KCNH1: variants seen among roughly 807,000 people sequenced by gnomAD.
The protein encoded by KCNH1 is voltage-gated delayed rectifier potassium channel KCNH1.
Under a neutral mutation model 69.2 loss-of-function variants are expected in KCNH1, and 27 were observed. That is an observed-to-expected ratio of 0.39 (90% CI 0.29 to 0.54). KCNH1 has a LOEUF of 0.54. KCNH1 is among the 20% of genes least tolerant of loss of function. The pLI is 0.68. For missense variants in KCNH1, 798 were observed against 1,261.6 expected, an observed-to-expected ratio of 0.63 and a Z score of 5.57; for synonymous variants, 456 against 487.7, an observed-to-expected ratio of 0.93 and a Z score of 0.86.
intron 7 of KCNH1, among the ~76,000 whole-genome samples, chr1:210,804,379 G>A (rs1020005022): frequency 3.3e-5 from 5 of 152,328 alleles, no homozygotes; most frequent in Admixed American, 1.3e-4. Context: ...AAGCTACTAG[G>A]AGAAACGTGT....
At chr1:210,864,870 G>T (rs1270734770) in intron 7 of KCNH1, among the ~76,000 whole-genome samples, 7 of 152,180 alleles carry the variant, frequency 4.6e-5, no homozygotes, top group Non-Finnish European at 1.0e-4. Context: ...TCACATAACT[G>T]GTGGTTGACC....
chr1:210,861,846 T>G, intron 7 of KCNH1: 1 of 760,002 alleles, frequency 1.3e-6, no homozygotes, highest in South Asian at 1.4e-5. Context: ...GGCAAATAAT[T>G]CCTATCCAAC....
At chr1:210,973,814 T>C (rs552849394) in intron 6 of KCNH1, among the ~76,000 whole-genome samples, 1 of 152,194 alleles carries the variant, frequency 6.6e-6, no homozygotes, top group Admixed American at 6.6e-5. Flanking sequence ...ATTATGAGAA[T>C]AGATTGTTTA....
intron 7 of KCNH1, among the ~76,000 whole-genome samples, chr1:210,888,614 T>C (rs1048271967): frequency 2.0e-5 from 3 of 151,992 alleles, no homozygotes; most frequent in Admixed American, 6.6e-5. Context: ...AATCAATGAA[T>C]CCAGGAGCTG....
At chr1:210,893,724 T>C (rs1330556636) in intron 7 of KCNH1, among the ~76,000 whole-genome samples, 3 of 152,280 alleles carry the variant, frequency 2.0e-5, no homozygotes, top group South Asian at 2.1e-4. Context: ...ACTCCAATTA[T>C]ATGTATATTT....
intron 7 of KCNH1, among the ~76,000 whole-genome samples, chr1:210,822,013 T>A (rs1358075148): frequency 2.6e-5 from 4 of 152,042 alleles, no homozygotes; most frequent in Non-Finnish European, 4.4e-5. Flanking sequence ...TATCTCTTCA[T>A]TTATTTCACA....
chr1:211,048,683 G>C (rs949617732), intron 5 of KCNH1, among the ~76,000 whole-genome samples: 1 of 152,012 alleles, frequency 6.6e-6, no homozygotes, highest in African/African-American at 2.4e-5. Context: ...TTGGACTTTG[G>C]GGACAAGTGG....
intron 3 of KCNH1, among the ~76,000 whole-genome samples, chr1:211,096,140 T>C (rs1024021211): frequency 6.6e-6 from 1 of 152,154 alleles, no homozygotes; most frequent in South Asian, 2.1e-4. Flanking sequence ...CTCAGCTCAC[T>C]GCAACTTCCA....
chr1:210,881,317 A>T lies in KCNH1; in HGVS notation c.1462+38323T>A, dbSNP rs78568641. On this transcript the variant is annotated intron_variant, in intron 7 of 10. Transcript: ENST00000271751. ...CATGCCCAGCCAAAACAATAAGAAG[A>T]CATCTTTACACACATATTAGAATGG... is the stretch of plus-strand genomic sequence containing the variant. Among the ~76,000 whole-genome samples, 339 of 152,256 alleles carry T rather than the reference A, an allele frequency of 2.2e-3. 3 individuals carry two copies. Among genetic ancestry groups the T allele is most frequent in the African/African-American group, 8.0e-3 (334 of 41,560 alleles).
chr1:210,864,654 C>T (rs1052861699), intron 7 of KCNH1, among the ~76,000 whole-genome samples: 7 of 152,194 alleles, frequency 4.6e-5, no homozygotes, highest in African/African-American at 1.7e-4. Context: ...GGAGAAAATT[C>T]TGGTTTTGCT....
intron 10 of KCNH1, among the ~76,000 whole-genome samples, chr1:210,699,504 T>A (rs1286929484): frequency 6.6e-6 from 1 of 152,204 alleles, no homozygotes; most frequent in Non-Finnish European, 1.5e-5. Context: ...CTCTCAGGCC[T>A]AGGTAGGTGG....
chr1:210,875,190 T>A (rs1293100613), intron 7 of KCNH1, among the ~76,000 whole-genome samples: 6 of 152,218 alleles, frequency 3.9e-5, no homozygotes, highest in African/African-American at 1.4e-4. Flanking sequence ...TAAAAAGCAA[T>A]GCTTTAATCC....
intron 1 of KCNH1, among the ~76,000 whole-genome samples, chr1:211,121,952 G>A (rs1356929079): frequency 2.0e-5 from 3 of 152,028 alleles, no homozygotes; most frequent in Non-Finnish European, 4.4e-5. Flanking sequence ...TGGCTAACAC[G>A]GTGAAACCCC....
chr1:211,006,655 G>A (rs1251800549), intron 6 of KCNH1, among the ~76,000 whole-genome samples: 2 of 151,962 alleles, frequency 1.3e-5, no homozygotes, highest in Non-Finnish European at 2.9e-5. Flanking sequence ...TCATTAAAAA[G>A]CATATTTCTG....
At chr1:210,795,701 A>G (rs1400243805) in intron 9 of KCNH1, among the ~76,000 whole-genome samples, 2 of 151,986 alleles carry the variant, frequency 1.3e-5, no homozygotes, top group Non-Finnish European at 2.9e-5. Flanking sequence ...TTGAATCTCA[A>G]TTCTAACTTC....
chr1:210,967,841 A>G (rs1239211924), intron 6 of KCNH1, among the ~76,000 whole-genome samples: 7 of 152,026 alleles, frequency 4.6e-5, no homozygotes, highest in African/African-American at 1.7e-4. Context: ...TATGACAGTG[A>G]ACATTGTCTT....
chr1:210,990,450 T>C (rs1280944819), intron 6 of KCNH1, among the ~76,000 whole-genome samples: 1 of 152,156 alleles, frequency 6.6e-6, no homozygotes, highest in Non-Finnish European at 1.5e-5. Flanking sequence ...GCTAGCAGGG[T>C]GCCCAAAGGT....
At chr1:211,045,064 A>ATATATATATATATAT (rs1490472380) in intron 5 of KCNH1, among the ~76,000 whole-genome samples, 33 of 128,152 alleles carry the variant, frequency 2.6e-4, no homozygotes, top group Non-Finnish European at 4.7e-4. Flanking sequence ...ATATATGAAT[A>ATATATATATATATAT]ATAGAATAGT....
At chr1:210,973,723 A>G (rs775641038) in intron 6 of KCNH1, among the ~76,000 whole-genome samples, 1 of 152,290 alleles carries the variant, frequency 6.6e-6, no homozygotes, top group Admixed American at 6.5e-5. Context: ...AATAATATAC[A>G]TATTTACCAC....
Sources: gnomAD v4.1 joint callset for allele counts (sites outside exome capture counted in the v4.1 genomes callset) on GRCh38, gnomAD v4.1.1 for gene constraint, MANE v1.5 for transcripts, NCBI Gene and HGNC (gene_info 2026-07-23, HGNC 2026-07-21) for gene names.